Variants in CTNNA3 observed in about 807,000 individuals in gnomAD.
CTNNA3 encodes the protein catenin alpha 3.
In CTNNA3, 76 loss-of-function variants were observed where a neutral mutation model predicts 95.7. That is an observed-to-expected ratio of 0.79 (90% CI 0.66 to 0.96). The LOEUF is 0.96. CTNNA3 is among the 40% of genes least tolerant of loss of function. The pLI is 0.00. For missense variants in CTNNA3, 1,191 were observed against 1,089.8 expected (o/e 1.09, Z -1.31); for synonymous variants, 431 against 374.4 (o/e 1.15, Z -1.74).
chr10:66,884,525 A>C (rs930151303), intron 7 of CTNNA3, among the ~76,000 whole-genome samples: 1 of 152,080 alleles, frequency 6.6e-6, no homozygotes, highest in Non-Finnish European at 1.5e-5. Flanking sequence ...TCCTGCCAAC[A>C]ACCATGTGAA....
At chr10:67,710,528 G>T (rs553257169) in intron 1 of CTNNA3, among the ~76,000 whole-genome samples, 2 of 152,240 alleles carry the variant, frequency 1.3e-5, no homozygotes, top group East Asian at 3.9e-4. Flanking sequence ...AGTTTTGGGG[G>T]CCTAGCCTCC....
chr10:66,981,304 C>G lies in CTNNA3; in HGVS notation c.1047+199013G>C, dbSNP rs921746724. Among the ~76,000 whole-genome samples, 3 of 152,070 alleles carry G rather than the reference C, an allele frequency of 2.0e-5. No homozygotes were observed. The South Asian group carries it at 6.2e-4, about 31-fold the overall frequency. On this transcript the variant is annotated intron_variant, in intron 7 of 17. Coordinates refer to ENST00000433211, the MANE Select transcript of CTNNA3 (RefSeq NM_013266.4). Reference sequence around the variant, plus strand: ...ACATTTATAGCTGTTTTCTTTACACCTTCATCTATATCTCTAAATATTGTT... The same window carrying G: ...ACATTTATAGCTGTTTTCTTTACACGTTCATCTATATCTCTAAATATTGTT...
chr10:66,771,058 G>T (rs1840067932), intron 8 of CTNNA3, among the ~76,000 whole-genome samples: 1 of 152,158 alleles, frequency 6.6e-6, no homozygotes, highest in African/African-American at 2.4e-5. Flanking sequence ...AGGTATAAAA[G>T]CCTACATATT....
chr10:67,515,603 T>TA (rs904713281), intron 5 of CTNNA3, among the ~76,000 whole-genome samples: 55 of 152,330 alleles, frequency 3.6e-4, no homozygotes, highest in Admixed American at 2.0e-3. Flanking sequence ...ATAAATGGCA[T>TA]AAAAAATCAT....
At chr10:66,476,157 A>C (rs1357303742) in intron 11 of CTNNA3, among the ~76,000 whole-genome samples, 2 of 152,032 alleles carry the variant, frequency 1.3e-5, no homozygotes, top group Non-Finnish European at 2.9e-5. Context: ...GTGGAAGCTG[A>C]ACAATGAGAA....
At chr10:66,767,296 A>T (rs546916227) in intron 8 of CTNNA3, among the ~76,000 whole-genome samples, 15 of 152,140 alleles carry the variant, frequency 9.9e-5, no homozygotes, top group African/African-American at 3.6e-4. Context: ...AAATAAAAAA[A>T]TTAGTTGGGC....
At chr10:66,351,537 G>A (rs1262403228) in intron 12 of CTNNA3, among the ~76,000 whole-genome samples, 1 of 151,966 alleles carries the variant, frequency 6.6e-6, no homozygotes, top group African/African-American at 2.4e-5. Flanking sequence ...ATTGCTTAAT[G>A]AGATTCATAA....
chr10:67,307,385 A>G (rs1840599577), intron 5 of CTNNA3, among the ~76,000 whole-genome samples: 1 of 152,216 alleles, frequency 6.6e-6, no homozygotes, highest in Non-Finnish European at 1.5e-5. Context: ...ATATCGTCAT[A>G]TACTGAGTTC....
At chr10:66,531,069 C>G (rs1056916594) in intron 10 of CTNNA3, among the ~76,000 whole-genome samples, 4 of 152,000 alleles carry the variant, frequency 2.6e-5, no homozygotes, top group Non-Finnish European at 5.9e-5. Context: ...ACATGAAAAT[C>G]AAAACATTTA....
At chr10:66,218,449 T>C (rs891127039) in intron 13 of CTNNA3, among the ~76,000 whole-genome samples, 21 of 152,262 alleles carry the variant, frequency 1.4e-4, no homozygotes, top group African/African-American at 3.9e-4. Flanking sequence ...AAGGAAGTCA[T>C]GTTGGAAGGA....
In CTNNA3 at chr10:66,263,011, C is replaced by T. The variant is rs574661361; in HGVS notation, c.1884+17459G>A. Reference sequence around the variant, plus strand: ...GCTGTGACCCAAGCAGAAATACTTTCTTCTCAAAGTGATTTGAAACTATTA... The same window carrying T: ...GCTGTGACCCAAGCAGAAATACTTTTTTCTCAAAGTGATTTGAAACTATTA... On this transcript the variant is annotated intron_variant, in intron 13 of 17. Coordinates refer to ENST00000433211, the MANE Select transcript of CTNNA3 (RefSeq NM_013266.4). Among the ~76,000 whole-genome samples the T allele has an allele frequency of 1.0e-3, 158 of 151,946 alleles. 1 individual carries two copies. The South Asian group carries it at 0.019, about 19-fold the overall frequency.
chr10:66,204,129 A>G (rs1292291501), intron 13 of CTNNA3, among the ~76,000 whole-genome samples: 1 of 152,162 alleles, frequency 6.6e-6, no homozygotes, highest in Non-Finnish European at 1.5e-5. Flanking sequence ...TTTCACAGAG[A>G]GTAGATTCTT....
chr10:67,263,009 G>A (rs59559105), intron 5 of CTNNA3, among the ~76,000 whole-genome samples: 1 of 151,996 alleles, frequency 6.6e-6, no homozygotes, highest in Non-Finnish European at 1.5e-5. Flanking sequence ...ATAGGAACTA[G>A]TTAGTAGGGA....
intron 12 of CTNNA3, among the ~76,000 whole-genome samples, chr10:66,357,434 A>G (rs2092619749): frequency 6.6e-6 from 1 of 152,090 alleles, no homozygotes; most frequent in Non-Finnish European, 1.5e-5. Context: ...CACCATAATC[A>G]ATTTAAGAAT....
intron 5 of CTNNA3, among the ~76,000 whole-genome samples, chr10:67,361,631 G>T (rs1842994745): frequency 6.6e-6 from 1 of 152,164 alleles, no homozygotes; most frequent in Non-Finnish European, 1.5e-5. Flanking sequence ...GCAGCATTAA[G>T]AGGAAAGTTT....
chr10:67,308,830 T>C (rs937533600), intron 5 of CTNNA3, among the ~76,000 whole-genome samples: 5 of 152,154 alleles, frequency 3.3e-5, no homozygotes, highest in African/African-American at 9.7e-5. Flanking sequence ...CTGTCAAAAA[T>C]GACACAGCTA....
chr10:67,052,801 T>C (rs145579261), intron 7 of CTNNA3: 38 of 152,326 alleles, frequency 2.5e-4, no homozygotes, highest in African/African-American at 8.9e-4. Flanking sequence ...TTTCTCTTTT[T>C]TTTAAGTTTT....
intron 7 of CTNNA3, among the ~76,000 whole-genome samples, chr10:66,892,092 C>T (rs931003129): frequency 4.6e-5 from 7 of 152,022 alleles, no homozygotes; most frequent in African/African-American, 1.7e-4. Flanking sequence ...AAATTTTAGA[C>T]ACTTATTCTG....
chr10:66,582,081 G>A (rs1485412321), intron 10 of CTNNA3, among the ~76,000 whole-genome samples: 2 of 151,784 alleles, frequency 1.3e-5, no homozygotes, highest in African/African-American at 2.4e-5. Flanking sequence ...GTAATGTGAT[G>A]CCTCCAGATT....
Sources: allele counts gnomAD v4.1 joint callset (sites outside exome capture counted in the v4.1 genomes callset), GRCh38; gene constraint gnomAD v4.1.1; transcripts MANE v1.5; gene names NCBI Gene and HGNC (gene_info 2026-07-23, HGNC 2026-07-21).